The following ABI2 variants were observed in gnomAD, a reference collection of about 807,000 sequenced individuals.
ABI2 encodes abelson interactor 2.
A neutral mutation model predicts 59.2 loss-of-function variants in ABI2; 25 were observed. That is an observed-to-expected ratio of 0.42 (90% CI 0.31 to 0.59). The LOEUF (loss-of-function observed/expected upper bound fraction) is 0.59, where lower values mean the gene tolerates loss of function less well. Ranked by LOEUF, ABI2 falls within the 20% of genes least tolerant of loss-of-function variation. The probability of loss-of-function intolerance (pLI) is 0.14; values close to 1 mark genes in which losing one functional copy is unlikely to be tolerated. For synonymous variants in ABI2, 213 were observed against 235.5 expected (o/e 0.90, Z 0.87); for missense variants, 545 against 681.8 (o/e 0.80, Z 2.23).
chr2:203,363,588 C>T (rs1330925587), intron 1 of ABI2, among the ~76,000 whole-genome samples: 4 of 151,860 alleles, frequency 2.6e-5, no homozygotes, highest in Non-Finnish European at 5.9e-5. Flanking sequence ...TCTGTGAGTT[C>T]AATTGTTTTA....
At chr2:203,366,392 AT>A (rs991145238) in intron 1 of ABI2, among the ~76,000 whole-genome samples, 101 of 152,068 alleles carry the variant, frequency 6.6e-4, no homozygotes, top group African/African-American at 1.3e-3. Context: ...ATTATTTATA[AT>A]TTTTTTCTTA....
chr2:203,367,034 A>G lies in ABI2; in HGVS notation c.275A>G (p.His92Arg), dbSNP rs2094511085. Residue 92 changes from histidine (H) to arginine (R), a missense_variant, in exon 2 of 12, where the codon CAT becomes CGT. Transcript: ENST00000261018. The part of the protein sequence containing the change: ...QLRRMESSIN[H>R]ISQTVDIHKE... The stretch of plus-strand genomic sequence containing the variant: ...CGAAGGATGGAATCTTCAATCAATC[A>G]TATTTCACAAGTGAGACCACAATAT... 1 of 1,613,328 alleles carries G rather than the reference A, an allele frequency of 6.2e-7. No individual in the cohort carries two copies.
intron 1 of ABI2, chr2:203,351,708 G>A (rs769587913): frequency 3.0e-5 from 9 of 298,208 alleles, no homozygotes; most frequent in Admixed American, 9.7e-5. Flanking sequence ...GCTGATTTTC[G>A]TATTTTTTGT....
At chr2:203,346,328 A>G (rs545033994) in intron 1 of ABI2, among the ~76,000 whole-genome samples, 9 of 152,320 alleles carry the variant, frequency 5.9e-5, no homozygotes, top group East Asian at 1.9e-4. Context: ...GCTAACAACC[A>G]CAAAAGACTA....
At chr2:203,352,575 AAAAAT>A (rs985970435) in intron 1 of ABI2, among the ~76,000 whole-genome samples, 19 of 152,236 alleles carry the variant, frequency 1.2e-4, no homozygotes, top group African/African-American at 4.3e-4. Flanking sequence ...TAAAGAAAAA[AAAAAT>A]AGAGAAAAGA....
At chr2:203,389,769 A>T (rs1467518368) in intron 4 of ABI2, among the ~76,000 whole-genome samples, 2 of 152,240 alleles carry the variant, frequency 1.3e-5, no homozygotes, top group Non-Finnish European at 2.9e-5. Flanking sequence ...GGTAGTCTCA[A>T]CTTGAGACTG....
chr2:203,391,075 G>T lies in ABI2; in HGVS notation c.510G>T (p.Gly170=). 6.2e-7 allele frequency: 1 copy of T among 1,613,870 alleles called. No individual in the cohort carries two copies. The highest frequency in any genetic ancestry group is 1.1e-5 in the South Asian group (1 of 91,026). Residue 170 remains glycine, a synonymous_variant, in exon 5 of 12, where the codon GGG becomes GGT. Transcript: ENST00000261018. ...KVSTQNMKMG[G]LPRTTPPTQK... ...GTACCCAGAACATGAAGATGGGTGG[G>T]CTGCCGCGTACAACACCTCCAACTC...
Position 203,431,939 on chromosome 2 carries a change from A to T in ABI2, c.*4587A>T, listed in dbSNP as rs1229190172. The stretch of plus-strand genomic sequence containing the variant: ...CAAAAAAGAATGTAAACAATTTGTG[A>T]TCTGGCCAGTTGTACTTTTAGCTCC... On this transcript the variant is annotated 3_prime_UTR_variant, in exon 12 of 12. Coordinates refer to ENST00000261018, the MANE Select transcript of ABI2 (RefSeq NM_001375670.1). The T allele has an allele frequency of 2.0e-5, 3 of 152,168 alleles. No homozygotes were observed. The highest frequency in any genetic ancestry group is 4.4e-5 in the Non-Finnish European group (3 of 68,022). 9.4% of individuals were successfully genotyped at this position (152,168 alleles called of 1,614,324 possible). A position where few individuals can be genotyped will look rare whatever the true frequency, so the allele number is the denominator to read the frequency against.
intron 1 of ABI2, among the ~76,000 whole-genome samples, chr2:203,358,265 G>A (rs1336641390): frequency 2.6e-5 from 4 of 152,072 alleles, no homozygotes; most frequent in East Asian, 1.9e-4. Context: ...AAGTAGCTGG[G>A]ACTACAGGTG....
chr2:203,365,317 G>C (rs1436985499), intron 1 of ABI2, among the ~76,000 whole-genome samples: 1 of 152,074 alleles, frequency 6.6e-6, no homozygotes, highest in Non-Finnish European at 1.5e-5. Context: ...GTAATGCATA[G>C]TAATACCATT....
At chr2:203,400,369 C>G (rs572088385) in intron 8 of ABI2, among the ~76,000 whole-genome samples, 1 of 151,990 alleles carries the variant, frequency 6.6e-6, no homozygotes, top group Non-Finnish European at 1.5e-5. Context: ...GATTAAAGGC[C>G]TGAGCCACCA....
At chr2:203,369,261 G>T (rs1467237620) in intron 2 of ABI2, among the ~76,000 whole-genome samples, 1 of 151,758 alleles carries the variant, frequency 6.6e-6, no homozygotes, top group African/African-American at 2.4e-5. Flanking sequence ...ATGTTAAAAA[G>T]AAACGTTAAA....
At chr2:203,424,426 G>A (rs1456781264) in intron 11 of ABI2, among the ~76,000 whole-genome samples, 1 of 152,110 alleles carries the variant, frequency 6.6e-6, no homozygotes, top group African/African-American at 2.4e-5. Flanking sequence ...TCAGGGTCTC[G>A]TTCTGTCACC....
chr2:203,341,450 C>G (rs555377188), intron 1 of ABI2, among the ~76,000 whole-genome samples: 2 of 152,286 alleles, frequency 1.3e-5, no homozygotes, highest in South Asian at 4.1e-4. Flanking sequence ...CTCAGTGGCT[C>G]ACTCCTATAA....
intron 3 of ABI2, among the ~76,000 whole-genome samples, chr2:203,381,350 C>T (rs1436755093): frequency 6.6e-6 from 1 of 152,132 alleles, no homozygotes; most frequent in Non-Finnish European, 1.5e-5. Flanking sequence ...AATCATAGCT[C>T]GCTCCAACCT....
intron 1 of ABI2, among the ~76,000 whole-genome samples, chr2:203,334,100 C>G (rs964346106): frequency 6.6e-6 from 1 of 151,864 alleles, no homozygotes; most frequent in Non-Finnish European, 1.5e-5. Context: ...GTCAGCATAC[C>G]CAGCTAATTT....
chr2:203,335,890 C>T (rs968386630), intron 1 of ABI2, among the ~76,000 whole-genome samples: 1 of 152,122 alleles, frequency 6.6e-6, no homozygotes, highest in African/African-American at 2.4e-5. Context: ...TTACAATAAA[C>T]TTACATAGTC....
chr2:203,359,609 A>G (rs2093065301), intron 1 of ABI2, among the ~76,000 whole-genome samples: 4 of 152,180 alleles, frequency 2.6e-5, no homozygotes, highest in Admixed American at 2.0e-4. Flanking sequence ...TTGCAGTTCT[A>G]GAGGCTGGGA....
chr2:203,412,800 A>C (rs1024358030), intron 10 of ABI2, among the ~76,000 whole-genome samples: 3 of 152,214 alleles, frequency 2.0e-5, no homozygotes, highest in Non-Finnish European at 4.4e-5. Flanking sequence ...TGTGGGATAC[A>C]GGGTCACTGT....
Sources: gnomAD v4.1 joint callset for allele counts (sites outside exome capture counted in the v4.1 genomes callset) on GRCh38, gnomAD v4.1.1 for gene constraint, MANE v1.5 for transcripts, NCBI Gene and HGNC (gene_info 2026-07-23, HGNC 2026-07-21) for gene names.